The following NPVF variants were observed in gnomAD, a reference collection of about 807,000 sequenced individuals.
NPVF encodes the protein pro-FMRFamide-related neuropeptide VF.
A neutral mutation model predicts 15.7 loss-of-function variants in NPVF; 17 were observed. The observed-to-expected ratio is 1.08, with a 90% CI of 0.74 to 1.62. The LOEUF (loss-of-function observed/expected upper bound fraction) is 1.62, where lower values mean the gene tolerates loss of function less well. Among genes scored for constraint, NPVF ranks in the 40% most tolerant of loss-of-function variants. The pLI, the probability that NPVF is intolerant of heterozygous loss-of-function variation, is 0.00. For missense variants in NPVF, 270 were observed against 225.2 expected, an observed-to-expected ratio of 1.20 and a Z score of -1.27; for synonymous variants, 70 against 80.1, an observed-to-expected ratio of 0.87 and a Z score of 0.67.
At position 25,228,230 on chromosome 7, in the gene NPVF, C is replaced by A. The variant is rs1429012417; in HGVS notation, c.138+72G>T. 6 of 1,097,752 alleles carry A rather than the reference C, an allele frequency of 5.5e-6. No homozygotes were observed. In the South Asian group the frequency reaches 5.6e-5, roughly 10 times the overall value. The allele number at this position is 1,097,752 out of a possible 1,614,324, so 68.0% of individuals were successfully genotyped here. On this transcript the variant is annotated intron_variant, in intron 1 of 2. Coordinates refer to ENST00000222674, the MANE Select transcript of NPVF (RefSeq NM_022150.3). ...ACACCAACTTACTTCTTAGTCTTTA[C>A]AAAATCATTAGACTTAGGATTAATA... is the stretch of plus-strand genomic sequence containing the variant.
At chr7:25,228,266 A>G in intron 1 of NPVF, 36 bp downstream of exon 1, 2 of 1,275,220 alleles carry the variant, frequency 1.6e-6, no homozygotes, top group Non-Finnish European at 2.3e-6. Context: ...TTATGTAATT[A>G]ATGCTACTCA....
Position 25,228,387 on chromosome 7 carries a change from C to T in NPVF, c.53G>A (p.Ser18Asn), listed in dbSNP as rs1361685134. ...ACAAAAAATGTTTGATGTTAACAAG[C>T]TTGAAGTGGCTAAAGTCAATAAAAT... The part of the protein sequence containing the change: ...LFILLTLATS[S>N]LLTSNIFCAD... Residue 18 changes from serine (S) to asparagine (N), a missense_variant, in exon 1 of 3, where the codon AGC becomes AAC. Coordinates refer to ENST00000222674, the MANE Select transcript of NPVF (RefSeq NM_022150.3). The T allele has an allele frequency of 1.3e-6, 2 of 1,581,216 alleles. No homozygotes were observed. The highest frequency in any genetic ancestry group is 2.7e-5 in the African/African-American group (2 of 74,224).
intron 1 of NPVF, 123 bp from the exon 2 acceptor site, chr7:25,227,149 G>A: frequency 2.4e-6 from 2 of 836,154 alleles, no homozygotes; most frequent in East Asian, 5.0e-5. Flanking sequence ...CAAAGTTTGT[G>A]TTCATATGTG....
Position 25,228,211 on chromosome 7 carries a change from ACTTACTT to A in NPVF, c.138+84_138+90del. On this transcript the variant is annotated intron_variant, in intron 1 of 2. Coordinates refer to ENST00000222674, the MANE Select transcript of NPVF (RefSeq NM_022150.3). Reference sequence around the variant, plus strand: ...TCACAAAAAAACAGAGTACACACCAACTTACTTCTTAGTCTTTACAAAATCATTAGAC... The same window carrying A: ...TCACAAAAAAACAGAGTACACACCAACTTAGTCTTTACAAAATCATTAGAC... 9.8e-6 allele frequency: 9 copies of A among 921,652 alleles called. 1 individual carries two copies. The South Asian group carries it at 1.3e-4, about 14-fold the overall frequency. 57.1% of individuals were successfully genotyped at this position (921,652 alleles called of 1,614,324 possible). A position where few individuals can be genotyped will look rare whatever the true frequency, so the allele number is the denominator to read the frequency against.
In NPVF at chr7:25,226,763, T is replaced by A; in HGVS notation, c.402A>T (p.Thr134=). 1 of 1,614,200 alleles carries A rather than the reference T, an allele frequency of 6.2e-7. No individual in the cohort carries two copies. Among genetic ancestry groups the A allele is most frequent in the Non-Finnish European group, 8.5e-7 (1 of 1,180,028 alleles). ...VPNLPQRFGR[T]TTAKSVCRML... Reference sequence around the variant, plus strand: ...TCCTGCAGACACTTTTGGCTGTTGTTGTTCTCCCAAACCTTTGGGGCAGGT... The same window carrying A: ...TCCTGCAGACACTTTTGGCTGTTGTAGTTCTCCCAAACCTTTGGGGCAGGT... The change falls in exon 2 of 3, where the codon ACA becomes ACT. Residue 134 remains threonine, a synonymous_variant. Transcript: ENST00000222674.
chr7:25,228,300 A>G lies in NPVF; in HGVS notation c.138+2T>C. ...CACATTAGAGAGATTTAAAAAACTT[A>G]CCTCAGAATATTTGTCATAATTTTC... On this transcript the variant is annotated splice_donor_variant, in intron 1 of 2. Coordinates refer to ENST00000222674, the MANE Select transcript of NPVF (RefSeq NM_022150.3). LOFTEE classifies it high-confidence loss of function. 1 of 1,453,480 alleles carries G rather than the reference A, an allele frequency of 6.9e-7. No homozygotes were observed. Among genetic ancestry groups the G allele is most frequent in the Non-Finnish European group, 9.6e-7 (1 of 1,039,224 alleles). The allele number at this position is 1,453,480 out of a possible 1,614,324, so 90.0% of individuals were successfully genotyped here.
chr7:25,226,777 T>C lies in NPVF; in HGVS notation c.388A>G (p.Arg130Gly). Residue 130 changes from arginine (R) to glycine (G), a missense_variant, in exon 2 of 3, where the codon AGG (arginine) becomes GGG (glycine). Physicochemically the swap from Arg to Gly is moderately radical, Grantham distance 125 (BLOSUM62 -2). Coordinates refer to ENST00000222674, the MANE Select transcript of NPVF (RefSeq NM_022150.3). ...TTGGCTGTTGTTGTTCTCCCAAACC[T>C]TTGGGGCAGGTTAGGAACACGTCTC... Reference protein sequence around the residue: ...LVRRVPNLPQRFGRTTTAKSV... With the variant: ...LVRRVPNLPQGFGRTTTAKSV... The C allele has an allele frequency of 6.2e-7, 1 of 1,614,174 alleles. No individual in the cohort carries two copies. Among genetic ancestry groups the C allele is most frequent in the Non-Finnish European group, 8.5e-7 (1 of 1,180,018 alleles).
At chr7:25,227,215 C>T (rs1275706959) in intron 1 of NPVF, among the ~76,000 whole-genome samples, 189 bp from the exon 2 acceptor site, 2 of 151,858 alleles carry the variant, frequency 1.3e-5, no homozygotes, top group East Asian at 1.9e-4. Context: ...TTTCTCTGTC[C>T]CTAGACTATT....
chr7:25,226,639 G>T lies in NPVF; in HGVS notation c.526C>A (p.Gln176Lys), dbSNP rs1329722240. 1.9e-6 allele frequency: 3 copies of T among 1,613,378 alleles called. No individual in the cohort carries two copies. The South Asian group carries it at 3.3e-5, about 18-fold the overall frequency. ...CCAGGTATTTACCTTGACTGTTTTTGATCGGGATTCTGGATTTCTTGGTGC... is the reference window on the plus strand; with the variant it reads ...CCAGGTATTTACCTTGACTGTTTTTTATCGGGATTCTGGATTTCTTGGTGC... ...CQHQEIQNPDQKQSRRLLFKK... is the reference protein window; with the variant it reads ...CQHQEIQNPDKKQSRRLLFKK... Residue 176 changes from glutamine to lysine, a missense_variant, in exon 2 of 3, where the codon CAA (glutamine) becomes AAA (lysine). Physicochemically the swap from Gln to Lys is moderately conservative, Grantham distance 53. Transcript: ENST00000222674.
At chr7:25,228,242 A>G in intron 1 of NPVF, 60 bp downstream of exon 1, 1 of 1,141,208 alleles carries the variant, frequency 8.8e-7, no homozygotes, top group Non-Finnish European at 1.3e-6. Context: ...AAATCATTAG[A>G]CTTAGGATTA....
chr7:25,225,284 G>T, intron 2 of NPVF, 111 bp from the exon 3 acceptor site: 1 of 823,690 alleles, frequency 1.2e-6, no homozygotes, highest in Non-Finnish European at 2.0e-6. Context: ...GAGTTGAATT[G>T]TGTTGCACTT....
At chr7:25,225,342 A>G (rs560848712) in intron 2 of NPVF, among the ~76,000 whole-genome samples, 169 bp from the exon 3 acceptor site, 4 of 152,330 alleles carry the variant, frequency 2.6e-5, no homozygotes, top group Admixed American at 1.3e-4. Flanking sequence ...ATGGGCACTC[A>G]GTCCCAAACA....
chr7:25,228,009 T>G (rs1468731815), intron 1 of NPVF, among the ~76,000 whole-genome samples: 2 of 152,236 alleles, frequency 1.3e-5, no homozygotes, highest in Non-Finnish European at 2.9e-5. Flanking sequence ...AAATCTTATT[T>G]CTGCCAACCA....
rs376152216 is a variant in NPVF at position 25,225,151 on chromosome 7, C to T, written c.562G>A (p.Asp188Asn). ...TTTTCTTGTTTCAATTCTGCATCAT[C>T]TATTTTCTTGAATAGCAGTCTCCTA... Reference protein sequence around the residue: ...QSRRLLFKKIDDAELKQEK With the variant: ...QSRRLLFKKINDAELKQEK Residue 188 changes from aspartate (D) to asparagine (N), a missense_variant, in exon 3 of 3, where the codon GAT (aspartate) becomes AAT (asparagine). Physicochemically the swap from Asp to Asn is conservative, Grantham distance 23. Transcript: ENST00000222674. The T allele has an allele frequency of 6.2e-6, 10 of 1,613,610 alleles. No individual in the cohort carries two copies. Among genetic ancestry groups the T allele is most frequent in the Non-Finnish European group, 6.8e-6 (8 of 1,179,854 alleles).
chr7:25,226,691 A>G lies in NPVF; in HGVS notation c.474T>C (p.Asn158=), dbSNP rs764250874. 3.1e-6 allele frequency: 5 copies of G among 1,614,086 alleles called. No individual in the cohort carries two copies. The Admixed American group carries it at 6.7e-5, about 22-fold the overall frequency. The change falls in exon 2 of 3, where the codon AAT becomes AAC. Residue 158 remains asparagine (N), a synonymous_variant. Transcript: ENST00000222674. ...GGCAGGTCATGGAGTAAAATAAGTC[A>G]TTGGCACATGGTGAATGCATGGATC... ...CQGSMHSPCA[N]DLFYSMTCQH...
chr7:25,226,204 C>A (rs929392058), intron 2 of NPVF, among the ~76,000 whole-genome samples: 2 of 152,046 alleles, frequency 1.3e-5, no homozygotes, highest in Non-Finnish European at 2.9e-5. Context: ...AAAGAAAACA[C>A]TTTGATTAAA....
chr7:25,225,271 C>T, intron 2 of NPVF, 98 bp from the exon 3 acceptor site: 1 of 940,098 alleles, frequency 1.1e-6, no homozygotes, highest in South Asian at 1.5e-5. Flanking sequence ...CCTAATTATA[C>T]TTGAGTTGAA....
rs374943658 is a variant in NPVF, at chr7:25,225,263, T to C, written c.540-90A>G. 15 of 992,858 alleles carry C rather than the reference T, an allele frequency of 1.5e-5. 1 individual carries two copies. Among genetic ancestry groups the C allele is most frequent in the African/African-American group, 8.2e-5 (5 of 61,172 alleles). 61.5% of individuals were successfully genotyped at this position (992,858 alleles called of 1,614,324 possible). A position where few individuals can be genotyped will look rare whatever the true frequency, so the allele number is the denominator to read the frequency against. ...AATACAAGCCATAGTCCTAACTGCC[T>C]AATTATACTTGAGTTGAATTGTGTT... On this transcript the variant is annotated intron_variant, in intron 2 of 2. Coordinates refer to ENST00000222674, the MANE Select transcript of NPVF (RefSeq NM_022150.3).
At chr7:25,225,997 T>G (rs1248433632) in intron 2 of NPVF, among the ~76,000 whole-genome samples, 1 of 152,196 alleles carries the variant, frequency 6.6e-6, no homozygotes, top group Non-Finnish European at 1.5e-5. Flanking sequence ...TGTACTTTCT[T>G]CAGGTCTTAA....
Sources: gnomAD v4.1 joint callset for allele counts (sites outside exome capture counted in the v4.1 genomes callset) on GRCh38, gnomAD v4.1.1 for gene constraint, MANE v1.5 for transcripts, NCBI Gene and HGNC (gene_info 2026-07-23, HGNC 2026-07-21) for gene names.